Variants in CERS1 observed in about 807,000 individuals in gnomAD.
The protein encoded by CERS1 is ceramide synthase 1, also known as Embryonic growth/differentiation factor 1.
In CERS1, 16 loss-of-function variants were observed where a neutral mutation model predicts 35.7. The ratio of observed to expected loss-of-function variants is 0.45; its 90% CI spans 0.30 to 0.68. CERS1 has a LOEUF of 0.68. CERS1 is among the 30% of genes least tolerant of loss of function. The probability of loss-of-function intolerance (pLI) is 0.08; values close to 1 mark genes in which losing one functional copy is unlikely to be tolerated. For synonymous variants in CERS1, 243 were observed against 201.6 expected (o/e 1.21, Z -1.74); for missense variants, 454 against 453.9 (o/e 1.00, Z 0.00).
intron 6 of CERS1, among the ~76,000 whole-genome samples, chr19:18,871,509 A>C (rs925626259): frequency 6.6e-6 from 1 of 152,170 alleles, no homozygotes; most frequent in Non-Finnish European, 1.5e-5. Context: ...GGCGTGAGCC[A>C]CCGTGCCTGG....
At chr19:18,880,140 C>T (rs1189270302) in intron 4 of CERS1, 134 bp downstream of exon 4, 1 of 864,334 alleles carries the variant, frequency 1.2e-6, no homozygotes, top group Non-Finnish European at 1.7e-6. Flanking sequence ...AATCATGAGG[C>T]CCCTCCCCTG....
chr19:18,888,825 T>TA lies in CERS1; in HGVS notation c.410-4559_410-4558insT, dbSNP rs541311683. Among the ~76,000 whole-genome samples the TA allele has an allele frequency of 4.6e-4, 70 of 151,078 alleles. No homozygotes were observed. The East Asian group carries it at 0.014, about 29-fold the overall frequency. On this transcript the variant is annotated intron_variant, in intron 2 of 7. Coordinates refer to ENST00000623882, the MANE Select transcript of CERS1 (RefSeq NM_021267.5). ...AGCCTGGGCAACAAGAGCGAAACTC[T>TA]GTCTCAAAAAAACAAACAACAAACA...
Position 18,869,415 on chromosome 19 carries a change from G to A in CERS1, c.*595-25C>T, listed in dbSNP as rs907488748. The stretch of plus-strand genomic sequence containing the variant: ...CCTGGGGAGGTAGGAACAGGAACTC[G>A]GCTCGCGCTGCGTCCCCGGCCTGCC... On this transcript the variant is annotated intron_variant, in intron 7 of 7. Transcript: ENST00000623882. 25 of 1,525,190 alleles carry A rather than the reference G, an allele frequency of 1.6e-5. No homozygotes were observed. In the African/African-American group the frequency reaches 2.9e-4, roughly 18 times the overall value. The allele number at this position is 1,525,190 out of a possible 1,614,324, so 94.5% of individuals were successfully genotyped here.
chr19:18,896,059 CCCG>C lies in CERS1; in HGVS notation c.11_13del (p.Ala4del), dbSNP rs996708246. Reference sequence around the variant, plus strand: ...GGGCCCCGTCGGCCCCGCCGCGGGCCCCGCCGCCGCCATACCGCCCGCTCGCCC... The same window carrying C: ...GGGCCCCGTCGGCCCCGCCGCGGGCCCCGCCGCCATACCGCCCGCTCGCCC... On this transcript the variant is annotated inframe_deletion, in exon 1 of 8. Transcript: ENST00000623882. The surrounding 1 kb of genome is among the most constrained non-coding windows in gnomAD (Gnocchi z 5.9). 10 of 982,020 alleles carry C rather than the reference CCCG, an allele frequency of 1.0e-5. No homozygotes were observed. The highest frequency in any genetic ancestry group is 4.6e-5 in the South Asian group (1 of 21,908). The allele number at this position is 982,020 out of a possible 1,614,324, so 60.8% of individuals were successfully genotyped here.
chr19:18,876,890 G>T (rs2056069838), intron 6 of CERS1, among the ~76,000 whole-genome samples: 4 of 152,116 alleles, frequency 2.6e-5, no homozygotes. Context: ...CTTGGTGAAG[G>T]TCCCTTTCCT....
intron 2 of CERS1, 150 bp from the exon 3 acceptor site, chr19:18,884,417 ATTTTT>A: frequency 1.8e-6 from 1 of 562,428 alleles, no homozygotes; most frequent in Non-Finnish European, 2.9e-6. Flanking sequence ...TCCCAATTCT[ATTTTT>A]TTTTTTTTTT....
chr19:18,869,790 C>T (rs2055930897), intron 7 of CERS1, among the ~76,000 whole-genome samples, 193 bp downstream of exon 7: 1 of 152,114 alleles, frequency 6.6e-6, no homozygotes, highest in Non-Finnish European at 1.5e-5. Flanking sequence ...GTCTTGGGAA[C>T]CCCCTGACAT....
chr19:18,890,395 G>A (rs781707307), intron 2 of CERS1, among the ~76,000 whole-genome samples: 1 of 152,208 alleles, frequency 6.6e-6, no homozygotes, highest in Non-Finnish European at 1.5e-5. Context: ...TCTCTGACCC[G>A]TTACTAGCTG....
At chr19:18,872,281 C>T (rs1449075233) in intron 6 of CERS1, among the ~76,000 whole-genome samples, 1 of 152,208 alleles carries the variant, frequency 6.6e-6, no homozygotes, top group Non-Finnish European at 1.5e-5. Context: ...TCAGTATTTG[C>T]CTTTTGAGGT....
Position 18,870,380 on chromosome 19 carries a change from C to A in CERS1, c.*197G>T. The A allele has an allele frequency of 6.6e-7, 1 of 1,508,948 alleles. No individual in the cohort carries two copies. 93.5% of individuals were successfully genotyped at this position (1,508,948 alleles called of 1,614,324 possible). On this transcript the variant is annotated 3_prime_UTR_variant, in exon 7 of 8. Transcript: ENST00000623882. This position sits in a 1 kb window ranked among gnomAD's most constrained non-coding sequence, Gnocchi z 5.1. ...CGGGACCAGTGGGCTGAGGGCGGGGCCGGTGTCCCCGGAGGGGCAGGGGTC... is the reference window on the plus strand; with the variant it reads ...CGGGACCAGTGGGCTGAGGGCGGGGACGGTGTCCCCGGAGGGGCAGGGGTC...
Position 18,870,762 on chromosome 19 carries a change from CGCCTTCACCCTGCCCCTCCTT to C in CERS1, c.1011-164_1011-144del, listed in dbSNP as rs1284472854. 48 of 440,016 alleles carry C rather than the reference CGCCTTCACCCTGCCCCTCCTT, an allele frequency of 1.1e-4. No homozygotes were observed. Among genetic ancestry groups the C allele is most frequent in the South Asian group, 5.6e-4 (8 of 14,358 alleles). The allele number at this position is 440,016 out of a possible 1,614,324, so 27.3% of individuals were successfully genotyped here. A position where few individuals can be genotyped will look rare whatever the true frequency, so the allele number is the denominator to read the frequency against. On this transcript the variant is annotated intron_variant, in intron 6 of 7. Transcript: ENST00000623882. The surrounding 1 kb of genome is among the most constrained non-coding windows in gnomAD (Gnocchi z 5.1). Reference sequence around the variant, plus strand: ...GGGCCTCGCCTTGTGGCTTCCTCCTCGCCTTCACCCTGCCCCTCCTTGCCTTCACCCTGCCCCTCCTTCAAC... The same window carrying C: ...GGGCCTCGCCTTGTGGCTTCCTCCTCGCCTTCACCCTGCCCCTCCTTCAAC...
chr19:18,878,299 C>A lies in CERS1; in HGVS notation c.1010+631G>T, dbSNP rs572083411. On this transcript the variant is annotated intron_variant, in intron 6 of 7. Transcript: ENST00000623882. The surrounding 1 kb of genome is among the most constrained non-coding windows in gnomAD (Gnocchi z 4.6). ...CCGTTCATCCCTGGCCCAGACACCC[C>A]CTGCCTGCCCCAGGCCTGGGGCTTC... 3.4e-5 allele frequency: 34 copies of A among 986,046 alleles called. No homozygotes were observed. In the South Asian group the frequency reaches 1.3e-3, roughly 37 times the overall value. The allele number at this position is 986,046 out of a possible 1,614,324, so 61.1% of individuals were successfully genotyped here.
At chr19:18,892,278 T>C (rs754660400) in intron 2 of CERS1, among the ~76,000 whole-genome samples, 8 of 152,010 alleles carry the variant, frequency 5.3e-5, no homozygotes, top group Non-Finnish European at 1.0e-4. Flanking sequence ...AGGAAGCATT[T>C]TGTCATCCAC....
chr19:18,878,211 A>G lies in CERS1; in HGVS notation c.1010+719T>C. On this transcript the variant is annotated intron_variant, in intron 6 of 7. Transcript: ENST00000623882. This position sits in a 1 kb window ranked among gnomAD's most constrained non-coding sequence, Gnocchi z 4.6. ...ACCTCCTGCCCCGGCTCCTGCTCAA[A>G]CACTCCTCACGTTGCCTATGAGACA... 1.0e-6 allele frequency: 1 copy of G among 985,050 alleles called. No homozygotes were observed. The highest frequency in any genetic ancestry group is 1.2e-6 in the Non-Finnish European group (1 of 829,946). 61.0% of individuals were successfully genotyped at this position (985,050 alleles called of 1,614,324 possible).
At chr19:18,896,165 G>A, upstream of CERS1, 1 of 388,404 alleles carries the variant, frequency 2.6e-6, no homozygotes, top group Non-Finnish European at 3.5e-6. The surrounding 1 kb of genome is among the most constrained non-coding windows in gnomAD (Gnocchi z 5.9). Flanking sequence ...AGCTGGGCCG[G>A]GGGCGCGCGG....
chr19:18,873,472 G>C (rs765461712), intron 6 of CERS1, among the ~76,000 whole-genome samples: 5 of 151,960 alleles, frequency 3.3e-5, no homozygotes, highest in Non-Finnish European at 5.9e-5. Context: ...TGAGTCAGGT[G>C]GATCACCTGA....
chr19:18,883,532 CA>C (rs1368507654), intron 3 of CERS1, among the ~76,000 whole-genome samples: 19 of 143,508 alleles, frequency 1.3e-4, no homozygotes, highest in Non-Finnish European at 1.2e-4. Flanking sequence ...GACCTTGTCT[CA>C]AAAAAAAAAG....
At chr19:18,885,886 C>T (rs1291243087) in intron 2 of CERS1, among the ~76,000 whole-genome samples, 2 of 152,176 alleles carry the variant, frequency 1.3e-5, no homozygotes, top group African/African-American at 2.4e-5. Flanking sequence ...ATCCCTGGCC[C>T]TGACAGATGC....
intron 6 of CERS1, among the ~76,000 whole-genome samples, chr19:18,875,532 G>A (rs2056045050): frequency 6.8e-6 from 1 of 147,714 alleles, no homozygotes; most frequent in South Asian, 2.1e-4. Flanking sequence ...GACAGAGCGA[G>A]ACACTGTCTC....
Sources: allele counts gnomAD v4.1 joint callset (sites outside exome capture counted in the v4.1 genomes callset), GRCh38; gene constraint gnomAD v4.1.1; non-coding constraint Gnocchi (gnomAD v3.1); transcripts MANE v1.5; gene names NCBI Gene and HGNC (gene_info 2026-07-23, HGNC 2026-07-21).